The following LINGO2 variants were observed in gnomAD, a reference collection of about 807,000 sequenced individuals.
LINGO2 encodes leucine rich repeat and Ig domain containing 2, also known as leucine-rich repeat and immunoglobulin-like domain-containing nogo receptor-interacting protein 2.
A neutral mutation model predicts 30.6 loss-of-function variants in LINGO2; 14 were observed. The ratio of observed to expected loss-of-function variants is 0.46; its 90% CI spans 0.30 to 0.72. The LOEUF (loss-of-function observed/expected upper bound fraction) is 0.72. Ranked by LOEUF, LINGO2 falls within the 30% of genes least tolerant of loss-of-function variation. The pLI, the probability that LINGO2 is intolerant of heterozygous loss-of-function variation, is 0.07. For synonymous variants in LINGO2, 317 were observed against 288.5 expected, an observed-to-expected ratio of 1.10 and a Z score of -1.00; for missense variants, 729 against 751.7, an observed-to-expected ratio of 0.97 and a Z score of 0.35.
intron 5 of LINGO2, among the ~76,000 whole-genome samples, chr9:28,006,931 C>A (rs57242583): frequency 0.66 from 100,257 of 151,356 alleles, 34,794 homozygotes; most frequent in Admixed American, 0.79. Flanking sequence ...TTCATTTTAT[C>A]TATTCATGTA....
chr9:28,027,030 G>A (rs1359578831), intron 4 of LINGO2, among the ~76,000 whole-genome samples: 2 of 152,146 alleles, frequency 1.3e-5, no homozygotes, highest in Non-Finnish European at 2.9e-5. Flanking sequence ...CTGTATAGGG[G>A]CAAGCACCAT....
chr9:29,006,221 C>A, the LINGO2 span, among the ~76,000 whole-genome samples: 4 of 151,798 alleles, frequency 2.6e-5, no homozygotes, highest in Non-Finnish European at 5.9e-5. Context: ...GATGTATTCT[C>A]TATTATTTAG....
intron 4 of LINGO2, among the ~76,000 whole-genome samples, chr9:28,274,691 A>T (rs1823055079): frequency 6.6e-6 from 1 of 152,212 alleles, no homozygotes; most frequent in South Asian, 2.1e-4. Context: ...CCACATAGAC[A>T]AGTCAGAAGT....
chr9:28,954,479 T>C, the LINGO2 span, among the ~76,000 whole-genome samples: 1 of 152,148 alleles, frequency 6.6e-6, no homozygotes, highest in Admixed American at 6.5e-5. Context: ...ATTTTGTTTT[T>C]TTTTGCTTGT....
intron 1 of LINGO2, among the ~76,000 whole-genome samples, chr9:28,490,129 A>C (rs901516070): frequency 6.6e-6 from 1 of 152,148 alleles, no homozygotes; most frequent in Non-Finnish European, 1.5e-5. Context: ...GCTGCTTTCG[A>C]ATCCTACCCC....
intron 1 of LINGO2, among the ~76,000 whole-genome samples, chr9:28,558,934 A>G (rs1313082438): frequency 6.6e-6 from 1 of 152,090 alleles, no homozygotes; most frequent in Non-Finnish European, 1.5e-5. Context: ...ATAGGAAACC[A>G]TGCCCCAAAT....
intron 1 of LINGO2, among the ~76,000 whole-genome samples, chr9:28,570,736 A>G (rs1484700063): frequency 1.3e-5 from 2 of 151,940 alleles, no homozygotes; most frequent in African/African-American, 4.8e-5. Context: ...TGGATTTAGC[A>G]TTAACAATTG....
At chr9:28,010,355 T>C (rs970599982) in intron 5 of LINGO2, among the ~76,000 whole-genome samples, 1 of 152,192 alleles carries the variant, frequency 6.6e-6, no homozygotes, top group African/African-American at 2.4e-5. Flanking sequence ...TGCCCTAACA[T>C]AGTTTGTAAC....
intron 1 of LINGO2, among the ~76,000 whole-genome samples, chr9:28,587,014 T>C (rs901622780): frequency 5.3e-5 from 8 of 151,996 alleles, no homozygotes; most frequent in African/African-American, 1.9e-4. Context: ...TATATAGTTA[T>C]AGACAGATGG....
At chr9:28,543,182 T>C (rs1161746512) in intron 1 of LINGO2, among the ~76,000 whole-genome samples, 2 of 152,132 alleles carry the variant, frequency 1.3e-5, no homozygotes, top group Non-Finnish European at 2.9e-5. Flanking sequence ...CAAATGTCTT[T>C]AGCAGATTTA....
chr9:29,119,267 A>G, the LINGO2 span, among the ~76,000 whole-genome samples: 1 of 152,186 alleles, frequency 6.6e-6, no homozygotes, highest in Non-Finnish European at 1.5e-5. Flanking sequence ...TATGGAATGG[A>G]AGAAATTATT....
chr9:28,948,852 C>T, the LINGO2 span, among the ~76,000 whole-genome samples: 1 of 151,802 alleles, frequency 6.6e-6, no homozygotes, highest in African/African-American at 2.4e-5. Context: ...TTAGTGCGTT[C>T]CTGGATTTCT....
intron 1 of LINGO2, among the ~76,000 whole-genome samples, chr9:28,626,801 G>GT (rs1333398993): frequency 6.7e-6 from 1 of 148,704 alleles, no homozygotes; most frequent in African/African-American, 2.5e-5. Flanking sequence ...CCTAGTAAAT[G>GT]TTTTTTTCAG....
At chr9:28,128,836 G>A (rs1224194105) in intron 4 of LINGO2, among the ~76,000 whole-genome samples, 1 of 148,822 alleles carries the variant, frequency 6.7e-6, no homozygotes, top group African/African-American at 2.5e-5. Flanking sequence ...GTTTCTGACT[G>A]TGTATGTGAG....
At chr9:28,975,396 G>A in the LINGO2 span, among the ~76,000 whole-genome samples, 1 of 152,150 alleles carries the variant, frequency 6.6e-6, no homozygotes, top group Admixed American at 6.5e-5. Flanking sequence ...GAGTAATAGA[G>A]AACTTCCAGA....
the LINGO2 span, among the ~76,000 whole-genome samples, chr9:28,762,006 T>A: frequency 2.0e-5 from 3 of 151,690 alleles, no homozygotes; most frequent in Non-Finnish European, 4.4e-5. Flanking sequence ...CATAAAATCC[T>A]TTTTTTCCCT....
chr9:27,990,776 C>T (rs1474415672), intron 5 of LINGO2, among the ~76,000 whole-genome samples: 1 of 152,058 alleles, frequency 6.6e-6, no homozygotes, highest in Non-Finnish European at 1.5e-5. Context: ...TGATATACTA[C>T]ATCATCTCTG....
chr9:29,210,974 C>T, the LINGO2 span, among the ~76,000 whole-genome samples: 1 of 152,182 alleles, frequency 6.6e-6, no homozygotes, highest in African/African-American at 2.4e-5. Context: ...ACCACTGCTT[C>T]TAATTTCTGA....
chr9:28,090,920 A>G (rs1367553861), intron 4 of LINGO2, among the ~76,000 whole-genome samples: 1 of 152,156 alleles, frequency 6.6e-6, no homozygotes, highest in Non-Finnish European at 1.5e-5. Flanking sequence ...TACACCAATA[A>G]CAGACAAACA....
Sources: allele counts gnomAD v4.1 joint callset (sites outside exome capture counted in the v4.1 genomes callset), GRCh38; gene constraint gnomAD v4.1.1; transcripts MANE v1.5; gene names NCBI Gene and HGNC (gene_info 2026-07-23, HGNC 2026-07-21).